The following LRRC7 variants were observed in gnomAD, a reference collection of about 807,000 sequenced individuals.
The protein encoded by LRRC7 is leucine rich repeat containing 7.
Under a neutral mutation model 175.7 loss-of-function variants are expected in LRRC7, and 23 were observed. The ratio of observed to expected loss-of-function variants is 0.13; its 90% CI spans 0.09 to 0.19. The LOEUF is 0.19. Among genes scored for constraint, LRRC7 ranks in the 10% least tolerant of loss-of-function variants. The probability of loss-of-function intolerance (pLI) is 1.00; values close to 1 mark genes in which losing one functional copy is unlikely to be tolerated. For missense variants in LRRC7, 1,354 were observed against 1,904.7 expected, an observed-to-expected ratio of 0.71 and a Z score of 5.38; for synonymous variants, 685 against 680.9, an observed-to-expected ratio of 1.01 and a Z score of -0.09.
chr1:70,043,911 G>A, intron 21 of LRRC7, 43 bp from the exon 22 acceptor site: 1 of 1,551,720 alleles, frequency 6.4e-7, no homozygotes, highest in East Asian at 2.3e-5. Context: ...AGTTTGTTGA[G>A]CATGTGTTCA....
At chr1:69,874,319 TTTATACATACAATTTAGAAGTAGGA>T (rs1685846435) in intron 7 of LRRC7, 1 of 152,166 alleles carries the variant, frequency 6.6e-6, no homozygotes, top group Non-Finnish European at 1.5e-5. Flanking sequence ...CTTTTAACAT[TTTATACATACAATTTAGAAGTAGGA>T]TATATTTCAT....
chr1:69,723,007 A>T (rs138270826), intron 2 of LRRC7, among the ~76,000 whole-genome samples: 234 of 152,034 alleles, frequency 1.5e-3, no homozygotes, highest in African/African-American at 5.0e-3. Context: ...GTTAGTTTTT[A>T]CCATCATTTT....
intron 8 of LRRC7, among the ~76,000 whole-genome samples, chr1:69,934,505 C>T (rs112798677): frequency 0.044 from 1,291 of 29,036 alleles, 26 homozygotes; most frequent in African/African-American, 0.074. Context: ...GGGGGGGGGG[C>T]GGGGGGTGGG....
intron 1 of LRRC7, among the ~76,000 whole-genome samples, chr1:69,626,384 T>TAAAAAAAAAAAAAAAAAAAAA (rs10546011): frequency 7.7e-6 from 1 of 130,116 alleles, no homozygotes; most frequent in Non-Finnish European, 1.6e-5. Context: ...ACTTAGAATC[T>TAAAAAAAAAAAAAAAAAAAAA]AAAAAAAAAA....
At chr1:70,065,507 T>C (rs1467626697) in intron 23 of LRRC7, among the ~76,000 whole-genome samples, 1 of 151,984 alleles carries the variant, frequency 6.6e-6, no homozygotes, top group African/African-American at 2.4e-5. Flanking sequence ...CTATGTGAAT[T>C]ATGGATAAGC....
intron 8 of LRRC7, among the ~76,000 whole-genome samples, chr1:69,939,580 A>G (rs1648491556): frequency 6.6e-6 from 1 of 152,152 alleles, no homozygotes. Flanking sequence ...ATTACAAAGT[A>G]GAAATTAGAA....
Position 69,911,292 on chromosome 1 carries a change from C to A in LRRC7, c.648-20215C>A, listed in dbSNP as rs1398200141. Reference sequence around the variant, plus strand: ...CAGAAATCACCCATCTTCTGCATCACTCACGCTGGGAGCTGTAGACTGGAG... The same window carrying A: ...CAGAAATCACCCATCTTCTGCATCAATCACGCTGGGAGCTGTAGACTGGAG... On this transcript the variant is annotated intron_variant, in intron 7 of 26. Coordinates refer to ENST00000651989, the MANE Select transcript of LRRC7 (RefSeq NM_001370785.2). Among the ~76,000 whole-genome samples the A allele has an allele frequency of 3.9e-5, 6 of 152,226 alleles. No individual in the cohort carries two copies. The East Asian group carries it at 5.8e-4, about 15-fold the overall frequency.
At chr1:70,113,949 C>G (rs1665679701) in intron 26 of LRRC7, among the ~76,000 whole-genome samples, 1 of 152,048 alleles carries the variant, frequency 6.6e-6, no homozygotes. Flanking sequence ...AACAAACTAA[C>G]TGGGCCATGT....
At chr1:69,603,358 T>C (rs966927316) in intron 1 of LRRC7, among the ~76,000 whole-genome samples, 1 of 152,220 alleles carries the variant, frequency 6.6e-6, no homozygotes. Flanking sequence ...GTTATCCTGG[T>C]GACATTTGGT....
At chr1:69,868,915 A>G (rs926408630) in intron 7 of LRRC7, among the ~76,000 whole-genome samples, 3 of 106,120 alleles carry the variant, frequency 2.8e-5, no homozygotes, top group Non-Finnish European at 6.4e-5. Flanking sequence ...ATATATGTAC[A>G]TATGTACATA....
intron 1 of LRRC7, among the ~76,000 whole-genome samples, chr1:69,651,559 C>T (rs568992548): frequency 7.6e-4 from 115 of 152,128 alleles, no homozygotes; most frequent in Admixed American, 7.3e-3. Context: ...AAGTCCTAGC[C>T]CCTCCACAGA....
At chr1:70,086,372 C>T (rs1015655412) in intron 24 of LRRC7, among the ~76,000 whole-genome samples, 8 of 152,046 alleles carry the variant, frequency 5.3e-5, no homozygotes, top group South Asian at 2.1e-4. Context: ...TAACACAGAC[C>T]AGAAGTTATC....
intron 1 of LRRC7, among the ~76,000 whole-genome samples, chr1:69,615,775 C>T (rs1649510997): frequency 6.6e-6 from 1 of 151,952 alleles, no homozygotes; most frequent in Non-Finnish European, 1.5e-5. Context: ...TGAAAAATCA[C>T]TACTTTAGCA....
At chr1:69,757,352 T>G (rs2100923478) in intron 2 of LRRC7, among the ~76,000 whole-genome samples, 1 of 152,072 alleles carries the variant, frequency 6.6e-6, no homozygotes, top group East Asian at 1.9e-4. Context: ...TCTAATTACC[T>G]TAGGGGAGAA....
intron 7 of LRRC7, among the ~76,000 whole-genome samples, chr1:69,899,538 T>C (rs2101663609): frequency 6.6e-6 from 1 of 152,334 alleles, no homozygotes; most frequent in South Asian, 2.1e-4. Flanking sequence ...TTTTCCCCTT[T>C]GTGAGCCATC....
intron 7 of LRRC7, chr1:69,919,939 T>C (rs1216096384): frequency 4.9e-6 from 3 of 618,312 alleles, no homozygotes; most frequent in Non-Finnish European, 8.8e-6. Flanking sequence ...TATTTATTGT[T>C]ACCAAAATGG....
chr1:69,721,779 A>G (rs1244135820), intron 2 of LRRC7, among the ~76,000 whole-genome samples: 1 of 151,912 alleles, frequency 6.6e-6, no homozygotes, highest in Non-Finnish European at 1.5e-5. Context: ...CAAAGGATAT[A>G]TACATCCTTA....
chr1:70,041,082 C>G (rs775016596), intron 21 of LRRC7, among the ~76,000 whole-genome samples: 1 of 152,000 alleles, frequency 6.6e-6, no homozygotes, highest in Non-Finnish European at 1.5e-5. Context: ...GCTTTTTGTT[C>G]TCATTTTCTA....
intron 7 of LRRC7, among the ~76,000 whole-genome samples, chr1:69,891,026 C>T (rs979840741): frequency 6.6e-6 from 1 of 152,230 alleles, no homozygotes; most frequent in Non-Finnish European, 1.5e-5. Context: ...AAGCCTGTTT[C>T]ACTTTCTTAT....
Sources: allele counts gnomAD v4.1 joint callset (sites outside exome capture counted in the v4.1 genomes callset), GRCh38; gene constraint gnomAD v4.1.1; transcripts MANE v1.5; gene names NCBI Gene and HGNC (gene_info 2026-07-23, HGNC 2026-07-21).